The following CTSB variants were observed in gnomAD, a reference collection of about 807,000 sequenced individuals.
The protein encoded by CTSB is APP secretase.
In CTSB, 57 loss-of-function variants were observed where a neutral mutation model predicts 44.3. The observed-to-expected ratio is 1.29, with a 90% CI of 1.04 to 1.60. The LOEUF (loss-of-function observed/expected upper bound fraction) is 1.60. Ranked by LOEUF, CTSB falls within the 40% of genes most tolerant of loss-of-function variation. The probability of loss-of-function intolerance (pLI) is 0.00; values close to 1 mark genes in which losing one functional copy is unlikely to be tolerated. For missense variants in CTSB, 768 were observed against 443.0 expected (o/e 1.73, Z -6.59); for synonymous variants, 320 against 168.0 (o/e 1.91, Z -7.00).
At position 11,853,760 on chromosome 8, in the gene CTSB, T is replaced by A. The variant is rs974244548; in HGVS notation, c.-25-281A>T. 5.1e-5 allele frequency: 16 copies of A among 316,134 alleles called. No homozygotes were observed. The East Asian group carries it at 7.7e-4, about 15-fold the overall frequency. The allele number at this position is 316,134 out of a possible 1,614,324, so 19.6% of individuals were successfully genotyped here. A position where few individuals can be genotyped will look rare whatever the true frequency, so the allele number is the denominator to read the frequency against. On this transcript the variant is annotated intron_variant, in intron 1 of 9. Transcript: ENST00000353047. The stretch of plus-strand genomic sequence containing the variant: ...AGTCCAGGGCCTTCGCTGCTATTTT[T>A]AAACGGCCTTTGCATGGATTTGTAG...
At chr8:11,862,797 C>T (rs1816624369) in intron 1 of CTSB, among the ~76,000 whole-genome samples, 1 of 152,258 alleles carries the variant, frequency 6.6e-6, no homozygotes, top group Non-Finnish European at 1.5e-5. Flanking sequence ...CAGCCCGGCC[C>T]TCCGGGCTCT....
At chr8:11,851,390 A>G (rs1814578165) in intron 3 of CTSB, among the ~76,000 whole-genome samples, 1 of 151,950 alleles carries the variant, frequency 6.6e-6, no homozygotes, top group African/African-American at 2.4e-5. Flanking sequence ...GGGTTTCACC[A>G]TGTTGGCCAG....
At chr8:11,848,501 C>T in intron 5 of CTSB, 1 of 395,508 alleles carries the variant, frequency 2.5e-6, no homozygotes. Flanking sequence ...AAAACACCAC[C>T]AGTTCTCTGA....
chr8:11,860,949 G>A (rs932657723), intron 1 of CTSB, among the ~76,000 whole-genome samples: 5 of 152,234 alleles, frequency 3.3e-5, no homozygotes, highest in African/African-American at 9.6e-5. Context: ...CAATGCTGGA[G>A]CAGCCCTGCA....
intron 1 of CTSB, among the ~76,000 whole-genome samples, chr8:11,854,025 G>C (rs775305539): frequency 6.6e-6 from 1 of 152,180 alleles, no homozygotes; most frequent in Non-Finnish European, 1.5e-5. Flanking sequence ...GGTTTTTCCA[G>C]TCAGCCAAGG....
chr8:11,861,282 G>T (rs1816374560), intron 1 of CTSB: 1 of 152,382 alleles, frequency 6.6e-6, no homozygotes, highest in Admixed American at 6.5e-5. Flanking sequence ...GGTGTGCAGA[G>T]GCAGCAGTGA....
intron 1 of CTSB, among the ~76,000 whole-genome samples, chr8:11,854,283 G>A (rs1815133238): frequency 6.6e-6 from 1 of 152,158 alleles, no homozygotes; most frequent in South Asian, 2.1e-4. Flanking sequence ...AGTCACTCCA[G>A]GGGCTCCCAC....
chr8:11,860,497 A>C (rs1324712246), intron 1 of CTSB, among the ~76,000 whole-genome samples: 1 of 151,998 alleles, frequency 6.6e-6, no homozygotes, highest in Non-Finnish European at 1.5e-5. Context: ...GTGGTTGTGC[A>C]CCTATAATCC....
chr8:11,855,564 G>A (rs1815363412), intron 1 of CTSB, among the ~76,000 whole-genome samples: 1 of 152,192 alleles, frequency 6.6e-6, no homozygotes, highest in African/African-American at 2.4e-5. Context: ...CAGCCTTCAA[G>A]GGAAAATGCT....
rs373553373 is a variant in CTSB at position 11,849,356 on chromosome 8, G to A, written c.328-192C>T. ...AAATGGGGTCTTGCTACGTTGGCCA[G>A]ACTGGTCTTGAACTCCCGGGTTCAA... On this transcript the variant is annotated intron_variant, in intron 4 of 9. Coordinates refer to ENST00000353047, the MANE Select transcript of CTSB (RefSeq NM_001908.5). 204 of 441,050 alleles carry A rather than the reference G, an allele frequency of 4.6e-4. 3 individuals carry two copies. Among genetic ancestry groups the A allele is most frequent in the South Asian group, 4.4e-3 (198 of 44,688 alleles). The allele number at this position is 441,050 out of a possible 1,614,324, so 27.3% of individuals were successfully genotyped here. A position where few individuals can be genotyped will look rare whatever the true frequency, so the allele number is the denominator to read the frequency against.
intron 5 of CTSB, chr8:11,848,558 C>A (rs923688686): frequency 1.5e-5 from 5 of 343,080 alleles, no homozygotes; most frequent in Non-Finnish European, 2.3e-5. Flanking sequence ...GGGGAGAAGC[C>A]CATGCATTTT....
chr8:11,849,254 G>T (rs917715392), intron 4 of CTSB, 90 bp from the exon 5 acceptor site: 8 of 919,734 alleles, frequency 8.7e-6, no homozygotes, highest in East Asian at 2.5e-5. Context: ...GGGCACCTCA[G>T]ACCTTGTAGG....
intron 1 of CTSB, among the ~76,000 whole-genome samples, chr8:11,857,223 G>A (rs1275798370): frequency 6.6e-6 from 1 of 152,102 alleles, no homozygotes; most frequent in African/African-American, 2.4e-5. Context: ...TCGTTATGTT[G>A]GCCAGGCTGG....
chr8:11,863,945 T>G (rs1315458926), intron 1 of CTSB, among the ~76,000 whole-genome samples: 1 of 152,160 alleles, frequency 6.6e-6, no homozygotes, highest in Non-Finnish European at 1.5e-5. Context: ...GAAACTCTTC[T>G]AAGTATCTGG....
chr8:11,866,737 G>A (rs1368707868), intron 1 of CTSB, among the ~76,000 whole-genome samples: 1 of 152,220 alleles, frequency 6.6e-6, no homozygotes, highest in Non-Finnish European at 1.5e-5. Context: ...GCGGGCACCT[G>A]TAATCCCAGC....
intron 5 of CTSB, chr8:11,848,359 C>T (rs1251834161): frequency 4.4e-6 from 3 of 680,242 alleles, no homozygotes; most frequent in Non-Finnish European, 8.1e-6. Context: ...AGCCCCACCC[C>T]TGCCCACAAA....
intron 1 of CTSB, 67 bp from the exon 2 acceptor site, chr8:11,853,546 G>T (rs776419617): frequency 1.3e-6 from 2 of 1,488,346 alleles, no homozygotes; most frequent in East Asian, 4.7e-5. Context: ...ACACACAGGG[G>T]CACCGTCTCG....
Position 11,852,073 on chromosome 8 carries a change from G to A in CTSB, c.212+537C>T, listed in dbSNP as rs542190418. Among the ~76,000 whole-genome samples the A allele has an allele frequency of 5.9e-5, 9 of 152,258 alleles. No homozygotes were observed. In the South Asian group the frequency reaches 1.0e-3, roughly 18 times the overall value. On this transcript the variant is annotated intron_variant, in intron 3 of 9. Coordinates refer to ENST00000353047, the MANE Select transcript of CTSB (RefSeq NM_001908.5). The stretch of plus-strand genomic sequence containing the variant: ...ACATCTGCGGCTGAGACACCTTGGA[G>A]AAGCACAATAGAAAACACTGGGGGT...
chr8:11,852,824 G>A (rs997791488), intron 2 of CTSB, 129 bp from the exon 3 acceptor site: 4 of 774,016 alleles, frequency 5.2e-6, no homozygotes, highest in Middle Eastern at 2.5e-4. Flanking sequence ...AAGGGTTGGG[G>A]GGCACTGGGG....
Sources: gnomAD v4.1 joint callset for allele counts (sites outside exome capture counted in the v4.1 genomes callset) on GRCh38, gnomAD v4.1.1 for gene constraint, MANE v1.5 for transcripts, NCBI Gene and HGNC (gene_info 2026-07-23, HGNC 2026-07-21) for gene names.